Variants in GLRA2 observed in about 807,000 individuals in gnomAD.
GLRA2 encodes the protein glycine receptor subunit alpha-2.
Under a neutral mutation model 31.6 loss-of-function variants are expected in GLRA2, and 11 were observed. The observed-to-expected ratio is 0.35, with a 90% confidence interval of 0.22 to 0.58. GLRA2 has a LOEUF of 0.58. Among genes scored for constraint, GLRA2 ranks in the 20% least tolerant of loss-of-function variants. The probability of loss-of-function intolerance (pLI) is 0.84; values close to 1 mark genes in which losing one functional copy is unlikely to be tolerated. For missense variants in GLRA2, 212 were observed against 351.8 expected, an observed-to-expected ratio of 0.60 and a Z score of 3.18; for synonymous variants, 132 against 134.0, an observed-to-expected ratio of 0.99 and a Z score of 0.10.
the GLRA2 span, among the ~76,000 whole-genome samples, chrX:14,469,499 G>A: frequency 9.3e-6 from 1 of 107,823 alleles, no homozygotes; most frequent in Non-Finnish European, 1.9e-5. Flanking sequence ...TATACACCAT[G>A]GAATACTATG....
chrX:14,601,571 C>T (rs1003509584), intron 4 of GLRA2, among the ~76,000 whole-genome samples: 4 of 111,583 alleles, frequency 3.6e-5, no homozygotes, highest in African/African-American at 1.3e-4. Context: ...ATCCCACTAA[C>T]CAAAAATATA....
At chrX:14,481,371 A>C in the GLRA2 span, among the ~76,000 whole-genome samples, 1 of 111,476 alleles carries the variant, frequency 9.0e-6, no homozygotes, top group Non-Finnish European at 1.9e-5. Flanking sequence ...AGCCAGAAGT[A>C]AGTCAGTATT....
At chrX:14,507,650 TCCGA>T in the GLRA2 span, among the ~76,000 whole-genome samples, 223 of 106,055 alleles carry the variant, frequency 2.1e-3, no homozygotes, top group African/African-American at 7.0e-3. Flanking sequence ...TGAGAAAATG[TCCGA>T]CCGACCACTT....
chrX:14,467,331 GCCTGAGTAGTACTATGTGGGA>G, the GLRA2 span, among the ~76,000 whole-genome samples: 16 of 111,931 alleles, frequency 1.4e-4, no homozygotes, highest in African/African-American at 5.2e-4. Context: ...TTAAAATGCA[GCCTGAGTAGTACTATGTGGGA>G]CCTGAGTAGT....
At chrX:14,648,160 T>G (rs1210735078) in intron 7 of GLRA2, among the ~76,000 whole-genome samples, 1 of 112,358 alleles carries the variant, frequency 8.9e-6, no homozygotes, top group Admixed American at 9.4e-5. Context: ...AAGTACTTAT[T>G]GAGAGTCTGT....
intron 3 of GLRA2, among the ~76,000 whole-genome samples, chrX:14,579,407 G>A (rs761832207): frequency 3.0e-4 from 33 of 109,566 alleles, no homozygotes; most frequent in African/African-American, 1.1e-3. Flanking sequence ...TCCACTCACC[G>A]CAACCTGCGC....
rs771758319 is a variant in GLRA2, at chrX:14,609,136, C to T, written c.861C>T (p.Val287=). 77 of 1,200,598 alleles carry T rather than the reference C, an allele frequency of 6.4e-5. No individual in the cohort carries two copies. In the Admixed American group the frequency reaches 1.4e-3, roughly 22 times the overall value. Residue 287 remains valine (V), a synonymous_variant, in exon 7 of 9, where the codon GTC becomes GTT. Coordinates refer to ENST00000218075, the MANE Select transcript of GLRA2 (RefSeq NM_002063.4). ...WINMDAAPAR[V]ALGITTVLTM... is the part of the protein sequence containing the mutation. ...ATATGGATGCAGCCCCTGCCAGGGTCGCACTGGGCATCACCACAGTCTTAA... is the reference window on the plus strand; with the variant it reads ...ATATGGATGCAGCCCCTGCCAGGGTTGCACTGGGCATCACCACAGTCTTAA...
chrX:14,601,323 A>C (rs1325021669), intron 4 of GLRA2, among the ~76,000 whole-genome samples: 3 of 111,687 alleles, frequency 2.7e-5, no homozygotes. Flanking sequence ...ATGAATGTGA[A>C]ATGCTGTAGG....
At chrX:14,710,002 A>G (rs2042245127) in intron 8 of GLRA2, among the ~76,000 whole-genome samples, 1 of 112,005 alleles carries the variant, frequency 8.9e-6, no homozygotes, top group Non-Finnish European at 1.9e-5. Context: ...TGTGGAAAGC[A>G]ATGACATGAT....
At chrX:14,482,941 A>C in the GLRA2 span, among the ~76,000 whole-genome samples, 1 of 111,408 alleles carries the variant, frequency 9.0e-6, no homozygotes, top group Admixed American at 9.6e-5. Context: ...AATATATACC[A>C]CTAGAGTCCA....
chrX:14,460,133 T>C, the GLRA2 span, among the ~76,000 whole-genome samples: 1 of 112,115 alleles, frequency 8.9e-6, no homozygotes, highest in Non-Finnish European at 1.9e-5. Flanking sequence ...GAGATAATCA[T>C]GTGGTTTTTG....
intron 8 of GLRA2, among the ~76,000 whole-genome samples, chrX:14,711,771 G>A (rs915803808): frequency 2.7e-5 from 3 of 112,774 alleles, no homozygotes; most frequent in Non-Finnish European, 5.6e-5. Flanking sequence ...ACAATGGTTA[G>A]TGGCAGAGCC....
chrX:14,521,736 AAGTG>A, the GLRA2 span, among the ~76,000 whole-genome samples: 41 of 112,530 alleles, frequency 3.6e-4, no homozygotes, highest in African/African-American at 1.2e-3. Context: ...TATAATAAAA[AAGTG>A]AGTCATACAA....
intron 2 of GLRA2, among the ~76,000 whole-genome samples, chrX:14,572,149 C>T (rs768980011): frequency 1.8e-5 from 2 of 112,095 alleles, no homozygotes; most frequent in Non-Finnish European, 3.8e-5. Context: ...GCAACATACT[C>T]ATAATGCCAC....
rs2091340560 is a variant in GLRA2, at chrX:14,690,826, G to A, written c.1047G>A (p.Leu349=). ...TCTCCAGGCAACACAAGGAGTTCCTGCGCCTCCGAAGAAGACAGAAGAGGC... is the reference window on the plus strand; with the variant it reads ...TCTCCAGGCAACACAAGGAGTTCCTACGCCTCCGAAGAAGACAGAAGAGGC... ...NFVSRQHKEF[L]RLRRRQKRQN... is the part of the protein sequence containing the mutation. The change falls in exon 8 of 9, where the codon CTG becomes CTA. Residue 349 remains leucine, a synonymous_variant. Transcript: ENST00000218075. The A allele has an allele frequency of 1.7e-6, 2 of 1,208,323 alleles. No homozygotes were observed. The highest frequency in any genetic ancestry group is 4.3e-5 in the Admixed American group (2 of 45,989).
chrX:14,702,138 C>T (rs759099744), intron 8 of GLRA2, among the ~76,000 whole-genome samples: 1 of 111,655 alleles, frequency 9.0e-6, no homozygotes, highest in Non-Finnish European at 1.9e-5. Flanking sequence ...ATGTTAGAAA[C>T]GACATGATGC....
rs55910036 is a variant in GLRA2, at chrX:14,730,891, TACACACACACACACACACACAC to T, written c.*444_*465del. The T allele has an allele frequency of 5.1e-3, 498 of 97,715 alleles. 3 individuals carry two copies. Among genetic ancestry groups the T allele is most frequent in the Non-Finnish European group, 5.9e-3 (313 of 53,270 alleles). 8.1% of individuals were successfully genotyped at this position (97,715 alleles called of 1,213,427 possible). A position where few individuals can be genotyped will look rare whatever the true frequency, so the allele number is the denominator to read the frequency against. On this transcript the variant is annotated 3_prime_UTR_variant, in exon 9 of 9. Transcript: ENST00000218075. Reference sequence around the variant, plus strand: ...AATTCTGGTACTGAAAAGTTAGCTATACACACACACACACACACACACACACACACACACACACACACACACA... The same window carrying T: ...AATTCTGGTACTGAAAAGTTAGCTATACACACACACACACACACACACACA...
chrX:14,610,909 T>C lies in GLRA2; in HGVS notation c.930+1704T>C, dbSNP rs187621008. Among the ~76,000 whole-genome samples the C allele has an allele frequency of 4.4e-3, 490 of 112,381 alleles. 7 individuals are homozygous for C. Among genetic ancestry groups the C allele is most frequent in the African/African-American group, 0.015 (469 of 31,019 alleles). On this transcript the variant is annotated intron_variant, in intron 7 of 8. Transcript: ENST00000218075. Reference sequence around the variant, plus strand: ...TAAATAAATGTTCACTGATCAGGGATCTTTGTATGTAAAGGCAATGAGGAA... The same window carrying C: ...TAAATAAATGTTCACTGATCAGGGACCTTTGTATGTAAAGGCAATGAGGAA...
chrX:14,629,421 C>G (rs780795873), intron 7 of GLRA2, among the ~76,000 whole-genome samples: 4 of 111,649 alleles, frequency 3.6e-5, no homozygotes, highest in Non-Finnish European at 7.5e-5. Context: ...TAGTGCCCAT[C>G]TGAACCAGAA....
Sources: gnomAD v4.1 joint callset for allele counts (sites outside exome capture counted in the v4.1 genomes callset) on GRCh38, gnomAD v4.1.1 for gene constraint, MANE v1.5 for transcripts, NCBI Gene and HGNC (gene_info 2026-07-23, HGNC 2026-07-21) for gene names.